The following CNIH3 variants were observed in gnomAD, a reference collection of about 807,000 sequenced individuals.
The protein encoded by CNIH3 is protein cornichon homolog 3.
Under a neutral mutation model 24.1 loss-of-function variants are expected in CNIH3, and 14 were observed. The observed-to-expected ratio is 0.58, with a 90% CI of 0.38 to 0.91. The LOEUF (loss-of-function observed/expected upper bound fraction) is 0.91, where lower values mean the gene tolerates loss of function less well. CNIH3 is among the 40% of genes least tolerant of loss of function. The probability of loss-of-function intolerance (pLI) is 0.00; values close to 1 mark genes in which losing one functional copy is unlikely to be tolerated. For missense variants in CNIH3, 178 were observed against 196.8 expected, an observed-to-expected ratio of 0.90 and a Z score of 0.57; for synonymous variants, 68 against 73.8, an observed-to-expected ratio of 0.92 and a Z score of 0.40.
At chr1:224,449,213 C>T (rs1675288316) in intron 1 of CNIH3, among the ~76,000 whole-genome samples, 1 of 152,036 alleles carries the variant, frequency 6.6e-6, no homozygotes, top group African/African-American at 2.4e-5. Flanking sequence ...ATCCGCCTGC[C>T]TCGGCCTCCC....
In CNIH3 at chr1:224,616,346, G is replaced by GGCA. The variant is rs762433204; in HGVS notation, c.-826_-824dup. The GGCA allele has an allele frequency of 1.4e-4, 70 of 513,164 alleles. No individual in the cohort carries two copies. The highest frequency in any genetic ancestry group is 2.9e-4 in the Admixed American group (5 of 17,412). 31.8% of individuals were successfully genotyped at this position (513,164 alleles called of 1,614,324 possible). On this transcript the variant is annotated 5_prime_UTR_variant, in exon 1 of 6. Transcript: ENST00000272133. ...TGGCAAAGGCGGCGGCGGCGGCGGCGGCAGCGGCAGCAGCAGGTGGAGCGA... is the reference window on the plus strand; with the variant it reads ...TGGCAAAGGCGGCGGCGGCGGCGGCGGCAGCAGCGGCAGCAGCAGGTGGAGCGA...
At chr1:224,676,855 T>G (rs941416911) in intron 1 of CNIH3, among the ~76,000 whole-genome samples, 6 of 152,188 alleles carry the variant, frequency 3.9e-5, no homozygotes, top group Non-Finnish European at 5.9e-5. Flanking sequence ...GGGAATCTAT[T>G]TATGAATTAG....
chr1:224,562,451 G>A (rs2124985469), intron 3 of CNIH3, among the ~76,000 whole-genome samples: 1 of 152,284 alleles, frequency 6.6e-6, no homozygotes. Flanking sequence ...AAAAATGTGG[G>A]TTTAAGGGAG....
intron 1 of CNIH3, among the ~76,000 whole-genome samples, chr1:224,625,192 C>T (rs1683460701): frequency 6.6e-6 from 1 of 152,184 alleles, no homozygotes; most frequent in African/African-American, 2.4e-5. Context: ...TTGATAGACT[C>T]CTCCTCAATG....
At chr1:224,503,966 G>A (rs1677794281) in intron 1 of CNIH3, among the ~76,000 whole-genome samples, 1 of 152,222 alleles carries the variant, frequency 6.6e-6, no homozygotes, top group African/African-American at 2.4e-5. Context: ...GGGGTGGAGG[G>A]GACTTGAGGA....
chr1:224,470,383 G>A (rs562386327), intron 1 of CNIH3, among the ~76,000 whole-genome samples: 40 of 149,122 alleles, frequency 2.7e-4, no homozygotes, highest in Admixed American at 9.4e-4. Flanking sequence ...GCAGTGGCAC[G>A]ATCGTAGCTC....
chr1:224,594,367 A>G (rs1681889576), intron 3 of CNIH3, among the ~76,000 whole-genome samples: 1 of 152,152 alleles, frequency 6.6e-6, no homozygotes, highest in South Asian at 2.1e-4. Flanking sequence ...TATCTAAGCT[A>G]TTAGAGCTTC....
chr1:224,641,147 A>G (rs981154196), intron 1 of CNIH3, among the ~76,000 whole-genome samples: 4 of 152,110 alleles, frequency 2.6e-5, no homozygotes, highest in Non-Finnish European at 5.9e-5. Context: ...CCCAGGGGAG[A>G]TGCCTGGGCT....
At chr1:224,447,761 A>C (rs1381959628) in intron 1 of CNIH3, among the ~76,000 whole-genome samples, 1 of 152,228 alleles carries the variant, frequency 6.6e-6, no homozygotes, top group East Asian at 1.9e-4. Context: ...AGTAGAAATA[A>C]TAGCTGGCAT....
upstream of CNIH3, among the ~76,000 whole-genome samples, chr1:224,512,919 C>T (rs2124897100): frequency 6.6e-6 from 1 of 152,292 alleles, no homozygotes; most frequent in African/African-American, 2.4e-5. Context: ...CCTGGCTCTC[C>T]CGCTTTTGGC....
At chr1:224,549,130 A>G (rs1406236748) in intron 3 of CNIH3, among the ~76,000 whole-genome samples, 1 of 152,102 alleles carries the variant, frequency 6.6e-6, no homozygotes, top group African/African-American at 2.4e-5. Context: ...TTTCATTTAC[A>G]TCACAGTGTG....
intron 4 of CNIH3, among the ~76,000 whole-genome samples, chr1:224,573,928 A>G (rs980347447): frequency 6.6e-6 from 1 of 152,172 alleles, no homozygotes; most frequent in Non-Finnish European, 1.5e-5. Context: ...TCTTTTAAAA[A>G]AAAGCATTAT....
intron 4 of CNIH3, among the ~76,000 whole-genome samples, chr1:224,575,543 A>T (rs1170623850): frequency 6.6e-6 from 1 of 151,794 alleles, no homozygotes; most frequent in African/African-American, 2.4e-5. Flanking sequence ...TTGATGTTGG[A>T]TCTGAAGAGC....
chr1:224,688,925 CAAAA>C (rs764640865), intron 3 of CNIH3, among the ~76,000 whole-genome samples: 2 of 91,210 alleles, frequency 2.2e-5, no homozygotes, highest in Admixed American at 1.2e-4. Context: ...AGATCTGTCT[CAAAA>C]AAAAAAAAAA....
At chr1:224,683,102 G>A (rs140838929) in intron 2 of CNIH3, among the ~76,000 whole-genome samples, 134 of 152,366 alleles carry the variant, frequency 8.8e-4, no homozygotes, top group African/African-American at 3.1e-3. Flanking sequence ...CACATAGTAG[G>A]TGCTCCATGG....
intron 1 of CNIH3, among the ~76,000 whole-genome samples, chr1:224,507,755 C>A (rs1218997635): frequency 6.6e-6 from 1 of 152,142 alleles, no homozygotes; most frequent in East Asian, 1.9e-4. Context: ...TGCGGGAGGC[C>A]AATTTATCTT....
intron 5 of CNIH3, among the ~76,000 whole-genome samples, chr1:224,735,763 C>T: frequency 6.6e-6 from 1 of 152,056 alleles, no homozygotes; most frequent in East Asian, 1.9e-4. Flanking sequence ...AAGTGATTCT[C>T]CCACCTTAAC....
chr1:224,658,073 A>C (rs991677529), intron 1 of CNIH3, among the ~76,000 whole-genome samples: 16 of 152,266 alleles, frequency 1.1e-4, no homozygotes, highest in Non-Finnish European at 2.4e-4. Flanking sequence ...TATAATGTTA[A>C]CATACCAGAT....
chr1:224,666,695 G>A (rs1030304072), intron 1 of CNIH3, among the ~76,000 whole-genome samples: 60 of 152,182 alleles, frequency 3.9e-4, no homozygotes, highest in Non-Finnish European at 8.5e-4. Context: ...GGTACAACAT[G>A]GAGGCTAAAC....
Sources: allele counts gnomAD v4.1 joint callset (sites outside exome capture counted in the v4.1 genomes callset), GRCh38; gene constraint gnomAD v4.1.1; transcripts MANE v1.5; gene names NCBI Gene and HGNC (gene_info 2026-07-23, HGNC 2026-07-21).